EIF2S2: variants seen among roughly 807,000 people sequenced by gnomAD.
EIF2S2 encodes eukaryotic translation initiation factor 2 subunit 2.
In EIF2S2, 4 loss-of-function variants were observed where a neutral mutation model predicts 44.0. The ratio of observed to expected loss-of-function variants is 0.09; its 90% CI spans 0.04 to 0.21. The LOEUF (loss-of-function observed/expected upper bound fraction) is 0.21. Ranked by LOEUF, EIF2S2 falls within the 10% of genes least tolerant of loss-of-function variation. The probability of loss-of-function intolerance (pLI) is 1.00; values close to 1 mark genes in which losing one functional copy is unlikely to be tolerated. For missense variants in EIF2S2, 154 were observed against 392.0 expected (o/e 0.39, Z 5.13); for synonymous variants, 108 against 128.3 (o/e 0.84, Z 1.07).
intron 1 of EIF2S2, among the ~76,000 whole-genome samples, chr20:34,106,131 G>A (rs1209991254): frequency 6.6e-6 from 1 of 151,974 alleles, no homozygotes; most frequent in East Asian, 1.9e-4. Context: ...TGTTGTCCCA[G>A]GTGGTCACAA....
intron 3 of EIF2S2, among the ~76,000 whole-genome samples, chr20:34,099,511 A>G (rs2034272010): frequency 6.6e-6 from 1 of 152,122 alleles, no homozygotes; most frequent in South Asian, 2.1e-4. Context: ...GTGACACCAA[A>G]TATGTGTTTT....
chr20:34,112,079 C>T lies in EIF2S2; in HGVS notation c.15+17G>A. On this transcript the variant is annotated intron_variant, in intron 1 of 8. Coordinates refer to ENST00000374980, the MANE Select transcript of EIF2S2 (RefSeq NM_003908.5). ...TCGCCTCAATCCTTAGCCCTTACGC[C>T]GGGCTCAGATCCTCACCTCGTCCCC... The T allele has an allele frequency of 1.9e-6, 3 of 1,549,288 alleles. No individual in the cohort carries two copies. The highest frequency in any genetic ancestry group is 2.6e-6 in the Non-Finnish European group (3 of 1,143,704).
At chr20:34,090,481 T>C in intron 8 of EIF2S2, 36 bp downstream of exon 8, 1 of 1,315,214 alleles carries the variant, frequency 7.6e-7, no homozygotes. Context: ...ATGAGAACAT[T>C]TCAGGGTGAT....
intron 2 of EIF2S2, among the ~76,000 whole-genome samples, chr20:34,103,960 C>T (rs1469568365): frequency 2.0e-5 from 3 of 152,164 alleles, no homozygotes; most frequent in Admixed American, 6.5e-5. Context: ...CCGCCTGCCT[C>T]AGCCTCCCAA....
chr20:34,094,325 A>C (rs2034202609), intron 6 of EIF2S2, among the ~76,000 whole-genome samples: 1 of 152,216 alleles, frequency 6.6e-6, no homozygotes, highest in Non-Finnish European at 1.5e-5. Flanking sequence ...GGGAAGGAAA[A>C]AGGGGCCAGG....
At chr20:34,103,705 T>A in intron 2 of EIF2S2, 140 bp from the exon 3 acceptor site, 1 of 1,266,754 alleles carries the variant, frequency 7.9e-7, no homozygotes, top group Non-Finnish European at 1.0e-6. Flanking sequence ...ACAAAACTTA[T>A]GGTTCTTTTT....
At chr20:34,100,523 A>C (rs2122417945) in intron 3 of EIF2S2, among the ~76,000 whole-genome samples, 1 of 152,358 alleles carries the variant, frequency 6.6e-6, no homozygotes, top group Middle Eastern at 3.4e-3. Flanking sequence ...GTGTGCCTAC[A>C]TCCTGAACTG....
chr20:34,090,045 C>T, intron 8 of EIF2S2, 140 bp from the exon 9 acceptor site: 1 of 859,054 alleles, frequency 1.2e-6, no homozygotes, highest in Non-Finnish European at 1.8e-6. Flanking sequence ...GGAAGCGCAG[C>T]TATTCGAGGG....
At chr20:34,090,694 T>C in intron 7 of EIF2S2, 92 bp from the exon 8 acceptor site, 1 of 696,786 alleles carries the variant, frequency 1.4e-6, no homozygotes, top group South Asian at 2.0e-5. Context: ...ACTTAAAATA[T>C]ATTCAGTAGC....
At chr20:34,109,847 G>A (rs1439161469) in intron 1 of EIF2S2, among the ~76,000 whole-genome samples, 1 of 151,552 alleles carries the variant, frequency 6.6e-6, no homozygotes, top group African/African-American at 2.4e-5. Flanking sequence ...GTTCACGCCT[G>A]TAATCCCAGC....
intron 3 of EIF2S2, among the ~76,000 whole-genome samples, chr20:34,102,306 C>A (rs1392984647): frequency 6.6e-6 from 1 of 152,108 alleles, no homozygotes; most frequent in Non-Finnish European, 1.5e-5. Flanking sequence ...TTCTCAATTT[C>A]CCTATAGTAG....
At chr20:34,099,253 C>CAGCTACTT (rs956520004) in intron 3 of EIF2S2, among the ~76,000 whole-genome samples, 3 of 151,928 alleles carry the variant, frequency 2.0e-5, no homozygotes, top group Non-Finnish European at 4.4e-5. Context: ...CCTGTAATCC[C>CAGCTACTT]AGCTACTTGA....
chr20:34,104,537 A>C (rs1042305275), intron 2 of EIF2S2, among the ~76,000 whole-genome samples: 1 of 152,230 alleles, frequency 6.6e-6, no homozygotes, highest in Non-Finnish European at 1.5e-5. Context: ...CATTTTATTG[A>C]ATCAACTAAT....
At chr20:34,112,019 G>A in intron 1 of EIF2S2, 77 bp downstream of exon 1, 1 of 1,324,192 alleles carries the variant, frequency 7.6e-7, no homozygotes, top group South Asian at 1.9e-5. Context: ...CTAGGCCGCA[G>A]GCCCGTTCTC....
At chr20:34,103,676 A>C in intron 2 of EIF2S2, 111 bp from the exon 3 acceptor site, 4 of 1,348,438 alleles carry the variant, frequency 3.0e-6, no homozygotes, top group East Asian at 6.4e-5. Context: ...ACTGACTATT[A>C]ATTAGTCCCT....
intron 7 of EIF2S2, among the ~76,000 whole-genome samples, chr20:34,092,257 A>T (rs1052000422): frequency 8.5e-5 from 13 of 152,224 alleles, no homozygotes; most frequent in African/African-American, 2.4e-5. Flanking sequence ...ACAACTTGTT[A>T]TAATAGTTTA....
intron 2 of EIF2S2, 64 bp downstream of exon 2, chr20:34,105,304 G>A: frequency 1.3e-6 from 2 of 1,563,450 alleles, no homozygotes; most frequent in Non-Finnish European, 1.7e-6. Context: ...ATATCCAAAA[G>A]CCAAAACGCT....
chr20:34,107,849 A>T (rs1384863789), intron 1 of EIF2S2, among the ~76,000 whole-genome samples: 1 of 152,222 alleles, frequency 6.6e-6, no homozygotes, highest in Non-Finnish European at 1.5e-5. Flanking sequence ...CTTAACAAGG[A>T]TCCAACTGTA....
chr20:34,095,198 C>A (rs1328067681), intron 6 of EIF2S2, among the ~76,000 whole-genome samples: 1 of 151,852 alleles, frequency 6.6e-6, no homozygotes, highest in Non-Finnish European at 1.5e-5. Context: ...AAAACTTTCA[C>A]AATATATTGA....
Sources: gnomAD v4.1 joint callset for allele counts (sites outside exome capture counted in the v4.1 genomes callset) on GRCh38, gnomAD v4.1.1 for gene constraint, MANE v1.5 for transcripts, NCBI Gene and HGNC (gene_info 2026-07-23, HGNC 2026-07-21) for gene names.